Variants in HIPK3 observed in about 807,000 individuals in gnomAD.
HIPK3 encodes the protein homeodomain interacting protein kinase 3.
Under a neutral mutation model 124.2 loss-of-function variants are expected in HIPK3, and 47 were observed. The observed-to-expected ratio is 0.38, with a 90% CI of 0.30 to 0.48. The LOEUF (loss-of-function observed/expected upper bound fraction) is 0.48. HIPK3 is among the 20% of genes least tolerant of loss of function. The pLI, the probability that HIPK3 is intolerant of heterozygous loss-of-function variation, is 0.98. For synonymous variants in HIPK3, 482 were observed against 515.2 expected (o/e 0.94, Z 0.87); for missense variants, 1,286 against 1,454.3 (o/e 0.88, Z 1.88).
chr11:33,261,139 A>ATATG (rs1850811562), intron 1 of HIPK3, among the ~76,000 whole-genome samples: 1 of 122,122 alleles, frequency 8.2e-6, no homozygotes, highest in Non-Finnish European at 1.8e-5. Flanking sequence ...TATATAAAAT[A>ATATG]TAAAATATAT....
At chr11:33,262,990 T>C (rs1850865974) in intron 1 of HIPK3, among the ~76,000 whole-genome samples, 1 of 152,088 alleles carries the variant, frequency 6.6e-6, no homozygotes, top group Admixed American at 6.6e-5. Context: ...GCTAACTTTT[T>C]CATTTCTTTT....
intron 2 of HIPK3, among the ~76,000 whole-genome samples, chr11:33,303,090 C>A (rs891972071): frequency 1.3e-5 from 2 of 151,948 alleles, no homozygotes; most frequent in African/African-American, 4.8e-5. Flanking sequence ...TTGTTTATAC[C>A]CATTAGATGT....
Position 33,266,813 on chromosome 11 carries a change from A to T in HIPK3, c.-3+8924A>T, listed in dbSNP as rs559361860. On this transcript the variant is annotated intron_variant, in intron 1 of 16. Coordinates refer to ENST00000303296, the MANE Select transcript of HIPK3 (RefSeq NM_005734.5). ...GATGGAAAAAAATATTACCAGTTTT[A>T]TCTTGTGACAAGTGTTTTCATTAAG... is the stretch of plus-strand genomic sequence containing the variant. 2.3e-3 allele frequency among the ~76,000 whole-genome samples: 354 copies of T among 152,312 alleles called. 4 individuals are homozygous for T. Among genetic ancestry groups the T allele is most frequent in the South Asian group, 0.017 (81 of 4,830 alleles).
chr11:33,290,902 A>G (rs1327692903), intron 2 of HIPK3, among the ~76,000 whole-genome samples: 3 of 152,204 alleles, frequency 2.0e-5, no homozygotes, highest in African/African-American at 2.4e-5. Context: ...AAGCTATACA[A>G]TTGCTATGCT....
chr11:33,325,971 T>C (rs1033328789), intron 2 of HIPK3, among the ~76,000 whole-genome samples: 1 of 152,206 alleles, frequency 6.6e-6, no homozygotes, highest in African/African-American at 2.4e-5. Flanking sequence ...TTATACCTCA[T>C]AGAATCTCCC....
At position 33,347,610 on chromosome 11, in the gene HIPK3, T is replaced by G; in HGVS notation, c.2020-19T>G. On this transcript the variant is annotated intron_variant, in intron 9 of 16. Coordinates refer to ENST00000303296, the MANE Select transcript of HIPK3 (RefSeq NM_005734.5). ...CTTATAACTTGTTATTTTCTATTGT[T>G]TTGCTTTGCTGCAAGCAGACGTGGT... 1 of 1,608,818 alleles carries G rather than the reference T, an allele frequency of 6.2e-7. No homozygotes were observed. Among genetic ancestry groups the G allele is most frequent in the Non-Finnish European group, 8.5e-7 (1 of 1,177,070 alleles).
At chr11:33,274,245 A>G (rs1054737861) in intron 1 of HIPK3, among the ~76,000 whole-genome samples, 6 of 152,134 alleles carry the variant, frequency 3.9e-5, no homozygotes, top group Admixed American at 3.9e-4. Context: ...TTAAAGGGAG[A>G]TGATGTCAGG....
intron 2 of HIPK3, among the ~76,000 whole-genome samples, chr11:33,318,790 G>T (rs888686728): frequency 6.6e-6 from 1 of 152,136 alleles, no homozygotes; most frequent in Admixed American, 6.5e-5. Flanking sequence ...ATATAAGTCA[G>T]TATTTTCCTG....
chr11:33,258,205 G>GGCCC, intron 1 of HIPK3: 2 of 642,212 alleles, frequency 3.1e-6, no homozygotes, highest in Non-Finnish European at 3.9e-6. Context: ...GGGGGCCTCG[G>GGCCC]CCCCCCCTCC....
intron 8 of HIPK3, among the ~76,000 whole-genome samples, chr11:33,343,801 A>G (rs901873020): frequency 6.6e-6 from 1 of 152,060 alleles, no homozygotes; most frequent in Non-Finnish European, 1.5e-5. Context: ...TATCATTGGG[A>G]GAAGGATTTA....
intron 1 of HIPK3, among the ~76,000 whole-genome samples, chr11:33,275,575 A>T (rs1436068855): frequency 1.3e-5 from 2 of 152,134 alleles, no homozygotes; most frequent in African/African-American, 4.8e-5. Flanking sequence ...AAATAAACTG[A>T]CTAGAAACTC....
At chr11:33,301,922 A>G (rs1852012090) in intron 2 of HIPK3, among the ~76,000 whole-genome samples, 1 of 151,910 alleles carries the variant, frequency 6.6e-6, no homozygotes, top group African/African-American at 2.4e-5. Flanking sequence ...TATATTTTAG[A>G]TAGGTCTCTT....
At chr11:33,301,639 T>G (rs1044117198) in intron 2 of HIPK3, among the ~76,000 whole-genome samples, 21 of 148,396 alleles carry the variant, frequency 1.4e-4, no homozygotes, top group African/African-American at 5.2e-4. Context: ...AAAAAAAAAC[T>G]TGGGCATGGT....
At chr11:33,295,521 G>T (rs1851820327) in intron 2 of HIPK3, among the ~76,000 whole-genome samples, 1 of 152,238 alleles carries the variant, frequency 6.6e-6, no homozygotes, top group Non-Finnish European at 1.5e-5. Context: ...CGTAGGCTCC[G>T]CCTGTGGTCG....
intron 2 of HIPK3, among the ~76,000 whole-genome samples, chr11:33,314,356 C>T (rs900983177): frequency 6.6e-6 from 1 of 152,054 alleles, no homozygotes; most frequent in Non-Finnish European, 1.5e-5. Context: ...ACATTTAGCA[C>T]AGAATCTGAC....
At chr11:33,258,499 G>T in intron 1 of HIPK3, 1 of 985,324 alleles carries the variant, frequency 1.0e-6, no homozygotes, top group Non-Finnish European at 1.2e-6. Flanking sequence ...GAGGAGAAAT[G>T]TGATCCGCGG....
chr11:33,271,012 T>C (rs1309101829), intron 1 of HIPK3, among the ~76,000 whole-genome samples: 1 of 152,204 alleles, frequency 6.6e-6, no homozygotes, highest in African/African-American at 2.4e-5. Flanking sequence ...GAATGATATA[T>C]CTTTTCATGA....
intron 2 of HIPK3, among the ~76,000 whole-genome samples, chr11:33,294,258 T>C (rs1170220185): frequency 2.0e-5 from 3 of 149,932 alleles, no homozygotes; most frequent in Non-Finnish European, 4.4e-5. Flanking sequence ...TGAAATTATC[T>C]TCAACATACA....
In HIPK3 at chr11:33,273,240, T is replaced by C. The variant is rs186811974; in HGVS notation, c.-2-13173T>C. 6.1e-3 allele frequency among the ~76,000 whole-genome samples: 923 copies of C among 152,110 alleles called. 11 individuals are homozygous for C. The highest frequency in any genetic ancestry group is 5.4e-3 in the African/African-American group (224 of 41,510). On this transcript the variant is annotated intron_variant, in intron 1 of 16. Transcript: ENST00000303296. ...AGGCTTTGGGCTGGGTGCGGTGGCT[T>C]ACGCCTGTAATCCCAGCACTTTGGG...
Sources: allele counts gnomAD v4.1 joint callset (sites outside exome capture counted in the v4.1 genomes callset), GRCh38; gene constraint gnomAD v4.1.1; transcripts MANE v1.5; gene names NCBI Gene and HGNC (gene_info 2026-07-23, HGNC 2026-07-21).